Variants in FSTL5 observed in about 807,000 individuals in gnomAD.
The protein encoded by FSTL5 is follistatin like 5.
FSTL5 carries 62 observed loss-of-function variants against 89.1 expected under a neutral mutation model. The ratio of observed to expected loss-of-function variants is 0.70; its 90% CI spans 0.57 to 0.86. The LOEUF (loss-of-function observed/expected upper bound fraction) is 0.86, where lower values mean the gene tolerates loss of function less well. Ranked by LOEUF, FSTL5 falls within the 40% of genes least tolerant of loss-of-function variation. The pLI is 0.00. For missense variants in FSTL5, 1,057 were observed against 1,001.6 expected, an observed-to-expected ratio of 1.06 and a Z score of -0.75; for synonymous variants, 383 against 346.2, an observed-to-expected ratio of 1.11 and a Z score of -1.18.
intron 4 of FSTL5, among the ~76,000 whole-genome samples, chr4:161,790,721 C>A (rs1729443414): frequency 6.6e-6 from 1 of 152,112 alleles, no homozygotes; most frequent in Non-Finnish European, 1.5e-5. Context: ...AAAAAAATTG[C>A]TAGACAAGTA....
chr4:161,559,366 C>A (rs907782741), intron 8 of FSTL5, among the ~76,000 whole-genome samples: 2 of 151,508 alleles, frequency 1.3e-5, no homozygotes, highest in Middle Eastern at 3.2e-3. Flanking sequence ...TTGCTTTCTC[C>A]TTCTATTTCT....
chr4:161,688,518 A>C (rs548324834), intron 6 of FSTL5, among the ~76,000 whole-genome samples: 2 of 152,344 alleles, frequency 1.3e-5, no homozygotes, highest in Non-Finnish European at 2.9e-5. Flanking sequence ...TCACAGAGCC[A>C]GTCCTTATTC....
chr4:161,875,569 C>T (rs369109787), intron 4 of FSTL5, among the ~76,000 whole-genome samples: 1 of 152,078 alleles, frequency 6.6e-6, no homozygotes. Flanking sequence ...ATTCTGTATC[C>T]GGGCCCTTGA....
intron 4 of FSTL5, among the ~76,000 whole-genome samples, chr4:161,816,302 T>C (rs57480370): frequency 0.017 from 2,631 of 152,340 alleles, 93 homozygotes; most frequent in African/African-American, 0.059. Context: ...TTTTATGAAG[T>C]ACTATGTAGT....
chr4:161,993,516 T>C (rs1736197888), intron 3 of FSTL5, among the ~76,000 whole-genome samples: 1 of 152,152 alleles, frequency 6.6e-6, no homozygotes, highest in Admixed American at 6.5e-5. Context: ...TTAATGGATA[T>C]GTGATAATTG....
intron 3 of FSTL5, among the ~76,000 whole-genome samples, chr4:161,995,786 T>C (rs1407239784): frequency 6.6e-6 from 1 of 151,054 alleles, no homozygotes; most frequent in Non-Finnish European, 1.5e-5. Context: ...TTTTTTTTAA[T>C]GATTGGATTT....
intron 4 of FSTL5, among the ~76,000 whole-genome samples, chr4:161,879,428 G>T (rs1170524615): frequency 1.3e-5 from 2 of 152,132 alleles, no homozygotes; most frequent in Admixed American, 6.5e-5. Context: ...GCTTTCCCAG[G>T]CAAAGCATTA....
chr4:161,478,963 T>C (rs1303899578), intron 13 of FSTL5, among the ~76,000 whole-genome samples: 3 of 152,062 alleles, frequency 2.0e-5, no homozygotes, highest in Admixed American at 6.5e-5. Context: ...TACATATCCA[T>C]TTATGCTCAA....
intron 3 of FSTL5, among the ~76,000 whole-genome samples, chr4:161,960,186 G>C (rs1196222831): frequency 9.3e-6 from 1 of 107,998 alleles, no homozygotes; most frequent in Non-Finnish European, 1.8e-5. Context: ...TTTTTTTTGA[G>C]ATGGAGTTTC....
chr4:161,587,831 T>C lies in FSTL5; in HGVS notation c.895-256A>G, dbSNP rs1387772853. ...TTATTTGAAATGCATGTTTAATATA[T>C]AAAGTAACTTAATTTCCACATATGT... On this transcript the variant is annotated intron_variant, in intron 7 of 15. Coordinates refer to ENST00000306100, the MANE Select transcript of FSTL5 (RefSeq NM_020116.5). Among the ~76,000 whole-genome samples, 4 of 152,276 alleles carry C rather than the reference T, an allele frequency of 2.6e-5. No homozygotes were observed. The South Asian group carries it at 6.2e-4, about 24-fold the overall frequency.
At chr4:161,861,796 G>A (rs953138643) in intron 4 of FSTL5, among the ~76,000 whole-genome samples, 3 of 152,196 alleles carry the variant, frequency 2.0e-5, no homozygotes, top group African/African-American at 7.2e-5. Flanking sequence ...TTGACAGCAA[G>A]ATGGAAAGAA....
intron 4 of FSTL5, among the ~76,000 whole-genome samples, chr4:161,889,052 A>G (rs1410953174): frequency 1.3e-5 from 2 of 152,270 alleles, no homozygotes; most frequent in East Asian, 3.9e-4. Context: ...TACAAAATAT[A>G]TAAGTTACTT....
At chr4:161,815,658 T>C (rs1359030494) in intron 4 of FSTL5, among the ~76,000 whole-genome samples, 1 of 152,134 alleles carries the variant, frequency 6.6e-6, no homozygotes, top group Non-Finnish European at 1.5e-5. Flanking sequence ...TCAGTAGTTA[T>C]ACAATCAGTA....
intron 3 of FSTL5, among the ~76,000 whole-genome samples, chr4:161,976,246 G>A (rs1306102285): frequency 6.6e-6 from 1 of 152,102 alleles, no homozygotes; most frequent in East Asian, 1.9e-4. Flanking sequence ...TACAGAGATG[G>A]GGAATTAGTG....
chr4:161,734,436 C>T (rs1380096428), intron 6 of FSTL5, among the ~76,000 whole-genome samples: 1 of 152,190 alleles, frequency 6.6e-6, no homozygotes, highest in Admixed American at 6.5e-5. Flanking sequence ...CTGGCTGACA[C>T]TAATGCCTTC....
intron 5 of FSTL5, among the ~76,000 whole-genome samples, chr4:161,759,843 A>C (rs553983999): frequency 1.3e-5 from 2 of 152,016 alleles, no homozygotes; most frequent in Non-Finnish European, 2.9e-5. Context: ...TCTTTGCTCC[A>C]TTTATACTGA....
At chr4:161,857,124 A>T (rs1731746272) in intron 4 of FSTL5, among the ~76,000 whole-genome samples, 1 of 152,122 alleles carries the variant, frequency 6.6e-6, no homozygotes. Context: ...GCCTTTTGAC[A>T]AGGTCATTGT....
At chr4:161,632,905 T>C (rs1735550270) in intron 7 of FSTL5, among the ~76,000 whole-genome samples, 1 of 152,194 alleles carries the variant, frequency 6.6e-6, no homozygotes, top group Non-Finnish European at 1.5e-5. Context: ...CTAAATCTTA[T>C]TAAATTTTCA....
intron 12 of FSTL5, among the ~76,000 whole-genome samples, chr4:161,490,374 T>C (rs142896744): frequency 4.3e-4 from 66 of 152,178 alleles, no homozygotes; most frequent in African/African-American, 1.5e-3. Context: ...GTGAGACAGG[T>C]TTTATTAATT....
Sources: gnomAD v4.1 joint callset for allele counts (sites outside exome capture counted in the v4.1 genomes callset) on GRCh38, gnomAD v4.1.1 for gene constraint, MANE v1.5 for transcripts, NCBI Gene and HGNC (gene_info 2026-07-23, HGNC 2026-07-21) for gene names.